DNAAF5: variants seen among roughly 807,000 people sequenced by gnomAD.
DNAAF5 encodes the protein dynein axonemal assembly factor 5.
In DNAAF5, 64 loss-of-function variants were observed where a neutral mutation model predicts 75.8. The observed-to-expected ratio is 0.84, with a 90% confidence interval of 0.69 to 1.04. The LOEUF is 1.04. Ranked by LOEUF, DNAAF5 falls within the 50% of genes least tolerant of loss-of-function variation. The pLI, the probability that DNAAF5 is intolerant of heterozygous loss-of-function variation, is 0.00. For synonymous variants in DNAAF5, 657 were observed against 557.2 expected, an observed-to-expected ratio of 1.18 and a Z score of -2.52; for missense variants, 1,269 against 1,178.5, an observed-to-expected ratio of 1.08 and a Z score of -1.12.
chr7:778,399 A>G (rs989056713), intron 11 of DNAAF5: 2 of 152,220 alleles, frequency 1.3e-5, no homozygotes, highest in Non-Finnish European at 2.9e-5. Flanking sequence ...GTGGGGAAGG[A>G]AGGATGTCCT....
At chr7:782,219 C>T (rs1435482083) in intron 12 of DNAAF5, among the ~76,000 whole-genome samples, 1 of 150,768 alleles carries the variant, frequency 6.6e-6, no homozygotes, top group Non-Finnish European at 1.5e-5. Flanking sequence ...GGCGTGGCCG[C>T]CTCCCGTCGC....
chr7:760,356 AAC>A (rs1238269945), intron 6 of DNAAF5, among the ~76,000 whole-genome samples: 1 of 152,224 alleles, frequency 6.6e-6, no homozygotes, highest in Non-Finnish European at 1.5e-5. Flanking sequence ...CATTAGTAAA[AAC>A]AGTTTTTAAG....
At chr7:729,145 T>C (rs1490032791) in intron 1 of DNAAF5, among the ~76,000 whole-genome samples, 2 of 152,138 alleles carry the variant, frequency 1.3e-5, no homozygotes, top group Non-Finnish European at 2.9e-5. Context: ...TACAGGCGCC[T>C]GCCACCTCTT....
rs112677151 is a variant in DNAAF5 at position 782,199 on chromosome 7, G to A, written c.2431+2055G>A. Reference sequence around the variant, plus strand: ...TCCCGACACGCGGCGTCAGAAACTCGGATCTTCCTGGCGTGGCCGCCTCCC... The same window carrying A: ...TCCCGACACGCGGCGTCAGAAACTCAGATCTTCCTGGCGTGGCCGCCTCCC... On this transcript the variant is annotated intron_variant, in intron 12 of 12. Transcript: ENST00000297440. Among the ~76,000 whole-genome samples, 219 of 150,498 alleles carry A rather than the reference G, an allele frequency of 1.5e-3. 2 individuals carry two copies. Among genetic ancestry groups the A allele is most frequent in the African/African-American group, 5.3e-3 (216 of 40,858 alleles).
intron 10 of DNAAF5, 46 bp downstream of exon 10, chr7:774,244 G>A (rs771404370): frequency 2.9e-5 from 45 of 1,540,586 alleles, no homozygotes; most frequent in Non-Finnish European, 3.7e-5. Flanking sequence ...CGGGGACTGC[G>A]CAGGCTTCCT....
Position 754,450 on chromosome 7 carries a change from C to T in DNAAF5, c.1025-139C>T. On this transcript the variant is annotated intron_variant, in intron 4 of 12. Transcript: ENST00000297440. The surrounding 1 kb of genome is among the most constrained non-coding windows in gnomAD (Gnocchi z 4.8). ...TTCTGAACGACGGGGCATTTGTCAG[C>T]TTTGCGTCCACCCCAAGACTTGTTT... 1.3e-6 allele frequency: 1 copy of T among 760,204 alleles called. No individual in the cohort carries two copies. The highest frequency in any genetic ancestry group is 2.3e-6 in the Non-Finnish European group (1 of 437,552). The allele number at this position is 760,204 out of a possible 1,614,324, so 47.1% of individuals were successfully genotyped here.
At chr7:766,696 CTGA>C (rs1295915627) in intron 8 of DNAAF5, among the ~76,000 whole-genome samples, 1 of 151,956 alleles carries the variant, frequency 6.6e-6, no homozygotes. Context: ...GCAGCCTGCT[CTGA>C]TGATAGAGGC....
At chr7:774,705 TGGTGCGGTC>T in intron 10 of DNAAF5, among the ~76,000 whole-genome samples, 1 of 151,772 alleles carries the variant, frequency 6.6e-6, no homozygotes, top group East Asian at 1.9e-4. Context: ...GCACGCGGGG[TGGTGCGGTC>T]GGTGCTCCAG....
chr7:740,864 C>A lies in DNAAF5; in HGVS notation c.826C>A (p.Leu276Met), dbSNP rs150376379. The A allele has an allele frequency of 6.2e-6, 10 of 1,613,982 alleles. No homozygotes were observed. The highest frequency in any genetic ancestry group is 8.5e-6 in the Non-Finnish European group (10 of 1,180,044). ...CGTGGTGGGCGGCTGGCTGCTGTGT[C>A]TGCGTGACCGTTACTCCTTCTTCCA... Reference protein sequence around the residue: ...ASVVGGWLLCLRDRYSFFHKL... With the variant: ...ASVVGGWLLCMRDRYSFFHKL... The change falls in exon 3 of 13, where the codon CTG becomes ATG. Residue 276 changes from leucine to methionine, a missense_variant. Leu to Met is a conservative substitution (Grantham distance 15, BLOSUM62 2). Transcript: ENST00000297440.
intron 9 of DNAAF5, chr7:771,616 C>T (rs945289304): frequency 3.9e-4 from 60 of 152,400 alleles, no homozygotes; most frequent in African/African-American, 1.3e-3. Flanking sequence ...TCTTCAAAGA[C>T]TTCAGGGCTT....
intron 12 of DNAAF5, among the ~76,000 whole-genome samples, chr7:782,075 C>T (rs200771285): frequency 1.6e-3 from 237 of 152,292 alleles, no homozygotes; most frequent in Non-Finnish European, 2.6e-3. Context: ...TCCGGTTTCC[C>T]GGCGTGGCTA....
At chr7:782,141 G>A (rs185455407) in intron 12 of DNAAF5, among the ~76,000 whole-genome samples, 25 of 152,208 alleles carry the variant, frequency 1.6e-4, no homozygotes, top group African/African-American at 5.5e-4. Context: ...GTCGCGCAGC[G>A]TCAGAAACTC....
chr7:761,610 ACCCACC>A, intron 6 of DNAAF5, 137 bp from the exon 7 acceptor site: 1 of 779,802 alleles, frequency 1.3e-6, no homozygotes, highest in Non-Finnish European at 2.0e-6. Flanking sequence ...CACGGGAAAG[ACCCACC>A]CCCATGATTC....
intron 12 of DNAAF5, among the ~76,000 whole-genome samples, chr7:782,888 G>A (rs1232046359): frequency 1.3e-5 from 2 of 151,730 alleles, no homozygotes; most frequent in Admixed American, 6.6e-5. Flanking sequence ...CTCACACAAC[G>A]TCAGAAACTC....
intron 11 of DNAAF5, chr7:778,409 T>G (rs1313673093): frequency 6.6e-6 from 1 of 152,180 alleles, no homozygotes; most frequent in Non-Finnish European, 1.5e-5. Flanking sequence ...AAGGATGTCC[T>G]GAGTTGGGAG....
intron 11 of DNAAF5, among the ~76,000 whole-genome samples, chr7:777,902 G>A (rs932370118): frequency 6.6e-6 from 1 of 152,200 alleles, no homozygotes; most frequent in African/African-American, 2.4e-5. Flanking sequence ...CAGAGGACAC[G>A]GGATGGAGAG....
intron 4 of DNAAF5, among the ~76,000 whole-genome samples, chr7:748,608 AT>A (rs544238783): frequency 2.3e-4 from 34 of 150,906 alleles, no homozygotes; most frequent in African/African-American, 8.3e-4. Flanking sequence ...TGCCGCCCCC[AT>A]CCCCCCTGCT....
intron 6 of DNAAF5, among the ~76,000 whole-genome samples, chr7:759,583 A>C (rs1234590367): frequency 6.6e-6 from 1 of 152,266 alleles, no homozygotes; most frequent in East Asian, 1.9e-4. Context: ...ATAGTATTTC[A>C]AAAAATACTG....
intron 12 of DNAAF5, among the ~76,000 whole-genome samples, chr7:781,371 C>T (rs1349204215): frequency 1.3e-5 from 2 of 152,182 alleles, no homozygotes; most frequent in Non-Finnish European, 2.9e-5. Flanking sequence ...CTTTTGTGGC[C>T]GGATAATATT....
Sources: allele counts gnomAD v4.1 joint callset (sites outside exome capture counted in the v4.1 genomes callset), GRCh38; gene constraint gnomAD v4.1.1; non-coding constraint Gnocchi (gnomAD v3.1); transcripts MANE v1.5; gene names NCBI Gene and HGNC (gene_info 2026-07-23, HGNC 2026-07-21).